The following MAP3K6 variants were observed in gnomAD, a reference collection of about 807,000 sequenced individuals.
The protein encoded by MAP3K6 is mitogen-activated protein kinase kinase kinase 6, also known as apoptosis signal-regulating kinase 2.
In MAP3K6, 105 loss-of-function variants were observed where a neutral mutation model predicts 147.1. That is an observed-to-expected ratio of 0.71 (90% CI 0.61 to 0.84). The LOEUF is 0.84. Among genes scored for constraint, MAP3K6 ranks in the 40% least tolerant of loss-of-function variants. The probability of loss-of-function intolerance (pLI) is 0.00; values close to 1 mark genes in which losing one functional copy is unlikely to be tolerated. For missense variants in MAP3K6, 1,569 were observed against 1,715.0 expected (o/e 0.91, Z 1.50); for synonymous variants, 695 against 732.4 (o/e 0.95, Z 0.82).
In MAP3K6 at chr1:27,355,468, C is replaced by G. The variant is rs1361107264; in HGVS notation, c.3790G>C (p.Gly1264Arg). 1 of 1,613,954 alleles carries G rather than the reference C, an allele frequency of 6.2e-7. No individual in the cohort carries two copies. The highest frequency in any genetic ancestry group is 1.3e-5 in the African/African-American group (1 of 74,934). ...RDDLIYTRIRGGMVCRIWRAI... is the reference protein window; with the variant it reads ...RDDLIYTRIRRGMVCRIWRAI... ...CTCCAGATGCGGCATACCATCCCTCCCCTGGGGGTAATGGACTCAGTGTGG... is the reference window on the plus strand; with the variant it reads ...CTCCAGATGCGGCATACCATCCCTCGCCTGGGGGTAATGGACTCAGTGTGG... The change falls in exon 29 of 29, where the codon GGA (glycine) becomes CGA (arginine). Residue 1264 changes from glycine to arginine, a missense_variant and splice_region_variant. Transcript: ENST00000357582.
At chr1:27,362,783 G>T in intron 7 of MAP3K6, 30 bp from the exon 8 acceptor site, 1 of 1,611,686 alleles carries the variant, frequency 6.2e-7, no homozygotes, top group Non-Finnish European at 8.5e-7. Context: ...CACAGGGCTG[G>T]ACTGATGCCC....
chr1:27,364,810 C>T lies in MAP3K6; in HGVS notation c.443G>A (p.Cys148Tyr). The change falls in exon 2 of 29, where the codon TGC (cysteine) becomes TAC (tyrosine). Residue 148 changes from cysteine to tyrosine, a missense_variant. Coordinates refer to ENST00000357582, the MANE Select transcript of MAP3K6 (RefSeq NM_004672.5). The surrounding 1 kb of genome is among the most constrained non-coding windows in gnomAD (Gnocchi z 4.4). ...SFSMTNNVLLCSQADLPDLQA... is the reference protein window; with the variant it reads ...SFSMTNNVLLYSQADLPDLQA... Reference sequence around the variant, plus strand: ...CAGGTCAGGGAGGTCGGCCTGGGAGCAGAGGAGCACATTGTTGGTCATGCT... The same window carrying T: ...CAGGTCAGGGAGGTCGGCCTGGGAGTAGAGGAGCACATTGTTGGTCATGCT... 1 of 1,613,668 alleles carries T rather than the reference C, an allele frequency of 6.2e-7. No individual in the cohort carries two copies. Among genetic ancestry groups the T allele is most frequent in the South Asian group, 1.1e-5 (1 of 91,082 alleles).
chr1:27,357,858 C>T lies in MAP3K6; in HGVS notation c.2934G>A (p.Ala978=), dbSNP rs754505224. Residue 978 remains alanine (A), a synonymous_variant, in exon 22 of 29, where the codon GCG becomes GCA. Transcript: ENST00000357582. ...CCTCCGGAGACGCAGGCTCCTCGGC[C>T]GCAGGCTCCTCGGGCACCCTGGGCA... The part of the protein sequence containing the change: ...TSQLRVPEEP[A]AEEPASPEES... 3.2e-5 allele frequency: 51 copies of T among 1,594,412 alleles called. No individual in the cohort carries two copies. In the East Asian group the frequency reaches 7.0e-4, roughly 22 times the overall value.
At chr1:27,361,121 GC>G in intron 13 of MAP3K6, 35 bp downstream of exon 13, 1 of 1,570,038 alleles carries the variant, frequency 6.4e-7, no homozygotes, top group Non-Finnish European at 8.6e-7. Flanking sequence ...GGGCATCCTG[GC>G]CCTCAGAGTA....
In MAP3K6 at chr1:27,365,200, GT is replaced by G. The variant is rs773926704; in HGVS notation, c.341-289del. Among the ~76,000 whole-genome samples the G allele has an allele frequency of 7.7e-4, 117 of 152,282 alleles. 1 individual carries two copies. Among genetic ancestry groups the G allele is most frequent in the Non-Finnish European group, 1.3e-3 (87 of 68,008 alleles). On this transcript the variant is annotated intron_variant, in intron 1 of 28. Transcript: ENST00000357582. ...GGGAGGCTGTGGACCAGTTGAGTCT[GT>G]TACGGGCCATTTAGGAGGTGGGAGT...
Position 27,358,952 on chromosome 1 carries a change from G to T in MAP3K6, c.2426-86C>A. 1 of 1,353,114 alleles carries T rather than the reference G, an allele frequency of 7.4e-7. No homozygotes were observed. The highest frequency in any genetic ancestry group is 1.4e-5 in the South Asian group (1 of 71,776). 83.8% of individuals were successfully genotyped at this position (1,353,114 alleles called of 1,614,324 possible). A position where few individuals can be genotyped will look rare whatever the true frequency, so the allele number is the denominator to read the frequency against. Reference sequence around the variant, plus strand: ...AGGGGAATGCCGTCATCCTCAGGCCGACTGCACCCATACTGAACCTATCAT... The same window carrying T: ...AGGGGAATGCCGTCATCCTCAGGCCTACTGCACCCATACTGAACCTATCAT... On this transcript the variant is annotated intron_variant, in intron 18 of 28. Transcript: ENST00000357582. The surrounding 1 kb of genome is among the most constrained non-coding windows in gnomAD (Gnocchi z 6.2).
Position 27,364,960 on chromosome 1 carries a change from G to A in MAP3K6, c.341-48C>T. On this transcript the variant is annotated intron_variant, in intron 1 of 28. Coordinates refer to ENST00000357582, the MANE Select transcript of MAP3K6 (RefSeq NM_004672.5). The surrounding 1 kb of genome is among the most constrained non-coding windows in gnomAD (Gnocchi z 4.4). ...GCTGATCCCTGAAGCCCAGCTTGAT[G>A]GGGAAGGAGCCGGGGTCCATCCTGG... 1 of 1,535,986 alleles carries A rather than the reference G, an allele frequency of 6.5e-7. No individual in the cohort carries two copies. The highest frequency in any genetic ancestry group is 1.2e-5 in the South Asian group (1 of 80,056).
rs1288817516 is a variant in MAP3K6, at chr1:27,364,773, C to A, written c.480G>T (p.Arg160=). Residue 160 remains arginine (R), a splice_region_variant and synonymous_variant, in exon 2 of 29, where the codon CGG becomes CGT. Transcript: ENST00000357582. The surrounding 1 kb of genome is among the most constrained non-coding windows in gnomAD (Gnocchi z 4.4). ...CCTCCACCAGCCCCAGGCCACCTAC[C>A]CGCAGGGCCTGCAGGTCAGGGAGGT... is the stretch of plus-strand genomic sequence containing the variant. ...QADLPDLQAL[R]EDVFQKNSDC... 3 of 1,613,692 alleles carry A rather than the reference C, an allele frequency of 1.9e-6. No individual in the cohort carries two copies. The highest frequency in any genetic ancestry group is 2.5e-6 in the Non-Finnish European group (3 of 1,179,610).
chr1:27,360,755 G>A lies in MAP3K6; in HGVS notation c.2004C>T (p.Arg668=). 6.2e-7 allele frequency: 1 copy of A among 1,612,656 alleles called. No homozygotes were observed. The highest frequency in any genetic ancestry group is 8.5e-7 in the Non-Finnish European group (1 of 1,179,844). ...TGATGGCGATGCGCACCCTCGTGTG[G>A]CGATCGCGGCCCGCGTACACCACCC... ...TYGVVYAGRD[R]HTRVRIAIKE... is the part of the protein sequence containing the mutation. Residue 668 remains arginine (R), a synonymous_variant, in exon 15 of 29, where the codon CGC becomes CGT. Coordinates refer to ENST00000357582, the MANE Select transcript of MAP3K6 (RefSeq NM_004672.5). The surrounding 1 kb of genome is among the most constrained non-coding windows in gnomAD (Gnocchi z 4.5).
intron 21 of MAP3K6, 64 bp from the exon 22 acceptor site, chr1:27,357,940 G>T: frequency 6.7e-7 from 1 of 1,503,286 alleles, no homozygotes; most frequent in East Asian, 2.4e-5. Flanking sequence ...CTCTGTTGCC[G>T]GGTTTGAATC....
rs761904231 is a variant in MAP3K6, at chr1:27,364,233, G to T, written c.666C>A (p.Arg222=). 1 of 1,612,652 alleles carries T rather than the reference G, an allele frequency of 6.2e-7. No individual in the cohort carries two copies. The highest frequency in any genetic ancestry group is 2.2e-5 in the East Asian group (1 of 44,886). ...AGTCTGTGGGTGTGGCCTCCAGCAGGCGGGCAAGCCGGCCCACCAGGGGAG... is the reference window on the plus strand; with the variant it reads ...AGTCTGTGGGTGTGGCCTCCAGCAGTCGGGCAAGCCGGCCCACCAGGGGAG... ...LLTPLVGRLA[R]LLEATPTDSC... The change falls in exon 4 of 29, where the codon CGC becomes CGA. Residue 222 remains arginine (R), a synonymous_variant. Transcript: ENST00000357582. The surrounding 1 kb of genome is among the most constrained non-coding windows in gnomAD (Gnocchi z 4.4).
In MAP3K6 at chr1:27,358,559, G is replaced by T. The variant is rs757330988; in HGVS notation, c.2636C>A (p.Ala879Asp). The change falls in exon 20 of 29, where the codon GCC becomes GAC. Residue 879 changes from alanine (A) to aspartate (D), a missense_variant. Transcript: ENST00000357582. The surrounding 1 kb of genome is among the most constrained non-coding windows in gnomAD (Gnocchi z 6.2). ...PPMPSSLSAE[A>D]QAFLLRTFEP... The stretch of plus-strand genomic sequence containing the variant: ...AAAAGTTCGGAGGAGAAAGGCTTGG[G>T]CCTCGGCCGACAGAGAGCTGGGCAT... 6.2e-7 allele frequency: 1 copy of T among 1,613,306 alleles called. No homozygotes were observed. The highest frequency in any genetic ancestry group is 2.2e-5 in the East Asian group (1 of 44,868).
Position 27,364,934 on chromosome 1 carries a change from C to G in MAP3K6, c.341-22G>C. The G allele has an allele frequency of 1.3e-6, 2 of 1,558,774 alleles. No homozygotes were observed. The highest frequency in any genetic ancestry group is 1.7e-6 in the Non-Finnish European group (2 of 1,148,152). ...ACATCTGCAGGCACAGAGGGGGTGGCGCTGATCCCTGAAGCCCAGCTTGAT... is the reference window on the plus strand; with the variant it reads ...ACATCTGCAGGCACAGAGGGGGTGGGGCTGATCCCTGAAGCCCAGCTTGAT... On this transcript the variant is annotated intron_variant, in intron 1 of 28. Coordinates refer to ENST00000357582, the MANE Select transcript of MAP3K6 (RefSeq NM_004672.5). This position sits in a 1 kb window ranked among gnomAD's most constrained non-coding sequence, Gnocchi z 4.4.
rs1286854087 is a variant in MAP3K6 at position 27,364,336 on chromosome 1, A to G, written c.563T>C (p.Leu188Pro). The change falls in exon 4 of 29, where the codon CTG (leucine) becomes CCG (proline). Residue 188 changes from leucine (L) to proline (P), a missense_variant. Coordinates refer to ENST00000357582, the MANE Select transcript of MAP3K6 (RefSeq NM_004672.5). This position sits in a 1 kb window ranked among gnomAD's most constrained non-coding sequence, Gnocchi z 4.4. Reference sequence around the variant, plus strand: ...CCGCAGAAGGCCTGCATCACCACACAGCACCCGACCAGTGGCCGTCACCAC... The same window carrying G: ...CCGCAGAAGGCCTGCATCACCACACGGCACCCGACCAGTGGCCGTCACCAC... ...PYVVTATGRV[L>P]CGDAGLLRGL... 3 of 1,614,104 alleles carry G rather than the reference A, an allele frequency of 1.9e-6. No homozygotes were observed. The highest frequency in any genetic ancestry group is 2.5e-6 in the Non-Finnish European group (3 of 1,180,032).
Position 27,359,312 on chromosome 1 carries a change from A to C in MAP3K6, c.2425+105T>G. 6.6e-7 allele frequency: 1 copy of C among 1,522,034 alleles called. No individual in the cohort carries two copies. The highest frequency in any genetic ancestry group is 9.0e-7 in the Non-Finnish European group (1 of 1,112,152). The allele number at this position is 1,522,034 out of a possible 1,614,324, so 94.3% of individuals were successfully genotyped here. A position where few individuals can be genotyped will look rare whatever the true frequency, so the allele number is the denominator to read the frequency against. On this transcript the variant is annotated intron_variant, in intron 18 of 28. Coordinates refer to ENST00000357582, the MANE Select transcript of MAP3K6 (RefSeq NM_004672.5). This position sits in a 1 kb window ranked among gnomAD's most constrained non-coding sequence, Gnocchi z 4.4. ...CTCACCCTGGGTTTCATTCCCCATT[A>C]GGACTCTAACTCCATGCCTAGGAGA...
At chr1:27,362,563 G>A in intron 8 of MAP3K6, 78 bp downstream of exon 8, 1 of 1,122,050 alleles carries the variant, frequency 8.9e-7, no homozygotes. Flanking sequence ...CTTGCCCAGT[G>A]TGCTCTCTCC....
At position 27,362,945 on chromosome 1, in the gene MAP3K6, G is replaced by A. The variant is rs751573267; in HGVS notation, c.1048C>T (p.Pro350Ser). The part of the protein sequence containing the change: ...PLVQLEGSVA[P>S]DLYCMCGRIY... ...CGGCCACACATGCAGTACAGATCGGGCGCCACAGAGCCCTCAAGCTGTACC... is the reference window on the plus strand; with the variant it reads ...CGGCCACACATGCAGTACAGATCGGACGCCACAGAGCCCTCAAGCTGTACC... The change falls in exon 7 of 29, where the codon CCC becomes TCC. Residue 350 changes from proline to serine, a missense_variant. Transcript: ENST00000357582. 6.2e-6 allele frequency: 10 copies of A among 1,613,954 alleles called. No homozygotes were observed. The highest frequency in any genetic ancestry group is 2.2e-5 in the East Asian group (1 of 44,898).
At chr1:27,362,284 G>A in intron 8 of MAP3K6, 34 bp from the exon 9 acceptor site, 1 of 1,576,162 alleles carries the variant, frequency 6.3e-7, no homozygotes, top group Non-Finnish European at 8.6e-7. Flanking sequence ...CAGTGAGTGT[G>A]GGTGCAGGGG....
chr1:27,356,828 G>C, intron 24 of MAP3K6, 79 bp from the exon 25 acceptor site: 1 of 1,499,944 alleles, frequency 6.7e-7, no homozygotes, highest in African/African-American at 1.4e-5. Flanking sequence ...CGGGGGTAGG[G>C]TGCCCGGCTC....
Sources: gnomAD v4.1 joint callset for allele counts (sites outside exome capture counted in the v4.1 genomes callset) on GRCh38, gnomAD v4.1.1 for gene constraint, Gnocchi (gnomAD v3.1) non-coding constraint, MANE v1.5 for transcripts, NCBI Gene and HGNC (gene_info 2026-07-23, HGNC 2026-07-21) for gene names.